SYN3: variants seen among roughly 807,000 people sequenced by gnomAD.
SYN3 encodes the protein synapsin III, also known as synapsin-3.
Under a neutral mutation model 65.8 loss-of-function variants are expected in SYN3, and 35 were observed. The observed-to-expected ratio is 0.53, with a 90% CI of 0.41 to 0.70. SYN3 has a LOEUF of 0.70. SYN3 is among the 30% of genes least tolerant of loss of function. The probability of loss-of-function intolerance (pLI) is 0.00; values close to 1 mark genes in which losing one functional copy is unlikely to be tolerated. For synonymous variants in SYN3, 270 were observed against 292.9 expected, an observed-to-expected ratio of 0.92 and a Z score of 0.80; for missense variants, 680 against 749.0, an observed-to-expected ratio of 0.91 and a Z score of 1.08.
chr22:32,583,375 T>G (rs1179698652), intron 7 of SYN3: 1 of 152,202 alleles, frequency 6.6e-6, no homozygotes, highest in Admixed American at 6.5e-5. Flanking sequence ...CACGCCTCAG[T>G]AGGGCAGGGG....
At chr22:32,620,723 A>G (rs543784558) in intron 6 of SYN3, among the ~76,000 whole-genome samples, 1 of 149,112 alleles carries the variant, frequency 6.7e-6, no homozygotes, top group South Asian at 2.1e-4. Context: ...AACCCAAATC[A>G]CTCTTTTTTT....
chr22:32,556,573 G>T (rs531259623), intron 7 of SYN3, among the ~76,000 whole-genome samples: 140 of 152,220 alleles, frequency 9.2e-4, no homozygotes, highest in Middle Eastern at 3.4e-3. Flanking sequence ...TGGCGCTCCA[G>T]GACTTCTCAG....
chr22:32,558,508 C>G (rs2058536531), intron 7 of SYN3, among the ~76,000 whole-genome samples: 1 of 152,216 alleles, frequency 6.6e-6, no homozygotes, highest in African/African-American at 2.4e-5. Flanking sequence ...CATGATCTTG[C>G]CCTGGTTTGA....
intron 10 of SYN3, among the ~76,000 whole-genome samples, chr22:32,533,052 A>G (rs1037129883): frequency 6.7e-6 from 1 of 149,958 alleles, no homozygotes; most frequent in African/African-American, 2.5e-5. Flanking sequence ...GAAGACATGG[A>G]GGAGAGGTGG....
rs747116076 is a variant in SYN3 at position 32,679,839 on chromosome 22, C to CTTT, written c.712-83106_712-83104dup. 7.2e-4 allele frequency among the ~76,000 whole-genome samples: 28 copies of CTTT among 39,152 alleles called. 2 individuals carry two copies. The highest frequency in any genetic ancestry group is 1.7e-3 in the Admixed American group (4 of 2,354). The allele number at this position is 39,152 out of a possible 152,430, so 25.7% of individuals were successfully genotyped here. A position where few individuals can be genotyped will look rare whatever the true frequency, so the allele number is the denominator to read the frequency against. On this transcript the variant is annotated intron_variant, in intron 6 of 13. Coordinates refer to ENST00000358763, the MANE Select transcript of SYN3 (RefSeq NM_003490.4). ...AAACTGGGTGAGGTTTGTTTTTTGG[C>CTTT]TTTTTTTTTTTTTTTTTTTGCTATT...
chr22:32,678,320 C>T (rs1009763482), intron 6 of SYN3, among the ~76,000 whole-genome samples: 2 of 152,168 alleles, frequency 1.3e-5, no homozygotes, highest in Non-Finnish European at 2.9e-5. Flanking sequence ...ACTGTGGGCT[C>T]TCAGATGTCC....
At chr22:32,911,591 G>A (rs2050053164) in intron 4 of SYN3, among the ~76,000 whole-genome samples, 1 of 152,308 alleles carries the variant, frequency 6.6e-6, no homozygotes, top group East Asian at 1.9e-4. Flanking sequence ...GGAAGCAAAT[G>A]CAAGCCACAC....
chr22:32,555,088 C>T (rs1241924885), intron 7 of SYN3, among the ~76,000 whole-genome samples: 1 of 152,140 alleles, frequency 6.6e-6, no homozygotes, highest in Non-Finnish European at 1.5e-5. Context: ...AGTAGGTCCT[C>T]CATAAATAAT....
intron 6 of SYN3, among the ~76,000 whole-genome samples, chr22:32,814,259 AAGAG>A (rs140122713): frequency 0.012 from 1,356 of 114,690 alleles, 31 homozygotes; most frequent in African/African-American, 0.038. Context: ...GAAAGAAAGA[AAGAG>A]GGAGGGAGGG....
chr22:32,525,422 A>T (rs1255476265), intron 12 of SYN3, among the ~76,000 whole-genome samples: 1 of 150,948 alleles, frequency 6.6e-6, no homozygotes, highest in African/African-American at 2.4e-5. Flanking sequence ...AGATGCTATG[A>T]AGGGGCCGGG....
intron 6 of SYN3, among the ~76,000 whole-genome samples, chr22:32,847,537 C>T (rs892889016): frequency 6.6e-6 from 1 of 152,142 alleles, no homozygotes; most frequent in Admixed American, 6.5e-5. Context: ...AGGGTAGGAT[C>T]CAAGCTCATT....
intron 2 of SYN3, among the ~76,000 whole-genome samples, chr22:32,983,162 C>T (rs900765532): frequency 1.1e-4 from 16 of 152,144 alleles, no homozygotes; most frequent in African/African-American, 2.9e-4. Flanking sequence ...TTCTCTGGGA[C>T]GGAGACAGCT....
intron 7 of SYN3, among the ~76,000 whole-genome samples, chr22:32,542,335 T>A (rs966662459): frequency 6.6e-6 from 1 of 151,896 alleles, no homozygotes; most frequent in African/African-American, 2.4e-5. Context: ...GTAGGGAGCA[T>A]GCATGCTGGT....
At chr22:32,628,487 A>T (rs2059700740) in intron 6 of SYN3, among the ~76,000 whole-genome samples, 1 of 152,126 alleles carries the variant, frequency 6.6e-6, no homozygotes, top group South Asian at 2.1e-4. Context: ...GGTGCTGACA[A>T]AGTGCAGCCC....
chr22:32,933,413 C>G (rs2050689741), intron 3 of SYN3, among the ~76,000 whole-genome samples: 1 of 152,046 alleles, frequency 6.6e-6, no homozygotes, highest in East Asian at 1.9e-4. Flanking sequence ...CGGTGTGGCA[C>G]CAGGGCCTGT....
chr22:32,545,666 T>C (rs2058327064), intron 7 of SYN3, among the ~76,000 whole-genome samples: 1 of 152,170 alleles, frequency 6.6e-6, no homozygotes, highest in African/African-American at 2.4e-5. Context: ...ATTCAAGCGA[T>C]TCTCTTGCTT....
chr22:33,028,667 G>A (rs561749258), intron 1 of SYN3, among the ~76,000 whole-genome samples: 37 of 130,512 alleles, frequency 2.8e-4, no homozygotes, highest in Non-Finnish European at 4.5e-4. Context: ...GGTGGTGGTG[G>A]TGGTGGTGGT....
At chr22:32,654,735 G>A (rs753289693) in intron 6 of SYN3, among the ~76,000 whole-genome samples, 10 of 152,190 alleles carry the variant, frequency 6.6e-5, no homozygotes, top group East Asian at 1.9e-4. Context: ...TGTCTCCCAT[G>A]CATGCTTCCC....
At chr22:32,962,552 T>C (rs5998673) in intron 3 of SYN3, among the ~76,000 whole-genome samples, 7,923 of 152,168 alleles carry the variant, frequency 0.052, 691 homozygotes, top group African/African-American at 0.18. Context: ...AGATGATATC[T>C]CAGGAATGAG....
Sources: allele counts gnomAD v4.1 joint callset (sites outside exome capture counted in the v4.1 genomes callset), GRCh38; gene constraint gnomAD v4.1.1; transcripts MANE v1.5; gene names NCBI Gene and HGNC (gene_info 2026-07-23, HGNC 2026-07-21).